LRBA: variants seen among roughly 807,000 people sequenced by gnomAD.
The protein encoded by LRBA is LPS responsive beige-like anchor protein, also known as lipopolysaccharide-responsive and beige-like anchor protein.
Under a neutral mutation model 330.0 loss-of-function variants are expected in LRBA, and 176 were observed. The observed-to-expected ratio is 0.53, with a 90% CI of 0.47 to 0.60. The LOEUF is 0.60. LRBA is among the 20% of genes least tolerant of loss of function. The pLI is 0.00. For missense variants in LRBA, 3,259 were observed against 3,444.8 expected, an observed-to-expected ratio of 0.95 and a Z score of 1.35; for synonymous variants, 1,230 against 1,193.0, an observed-to-expected ratio of 1.03 and a Z score of -0.64.
intron 40 of LRBA, among the ~76,000 whole-genome samples, chr4:150,518,455 G>C (rs543074495): frequency 8.5e-5 from 13 of 152,232 alleles, no homozygotes; most frequent in African/African-American, 2.9e-4. Context: ...CATGGATAAG[G>C]GGAGGCTACT....
chr4:150,913,023 T>G (rs983965402), intron 9 of LRBA, among the ~76,000 whole-genome samples: 1 of 152,218 alleles, frequency 6.6e-6, no homozygotes, highest in Non-Finnish European at 1.5e-5. Context: ...AAAAACTTGG[T>G]GGACTTTCCA....
At chr4:150,999,260 A>C (rs1743061056) in intron 2 of LRBA, among the ~76,000 whole-genome samples, 1 of 152,174 alleles carries the variant, frequency 6.6e-6, no homozygotes, top group Admixed American at 6.5e-5. Context: ...AACAAACAAA[A>C]AAAAAGTATT....
At chr4:150,765,135 A>G (rs921886059) in intron 34 of LRBA, among the ~76,000 whole-genome samples, 1 of 152,072 alleles carries the variant, frequency 6.6e-6, no homozygotes, top group Non-Finnish European at 1.5e-5. Flanking sequence ...AGAAAATGTA[A>G]AAGTATATTA....
At chr4:150,916,882 G>C in intron 5 of LRBA, 144 bp from the exon 6 acceptor site, 1 of 597,344 alleles carries the variant, frequency 1.7e-6, no homozygotes, top group Non-Finnish European at 2.6e-6. Context: ...GGCCGGGCGC[G>C]GTGGCTCACG....
At chr4:150,746,918 C>T (rs1732813198) in intron 35 of LRBA, among the ~76,000 whole-genome samples, 1 of 152,132 alleles carries the variant, frequency 6.6e-6, no homozygotes, top group African/African-American at 2.4e-5. Flanking sequence ...AACTTCTTTC[C>T]ATGAGTCTTA....
chr4:150,893,496 T>G (rs2127100179), intron 16 of LRBA, among the ~76,000 whole-genome samples: 1 of 151,252 alleles, frequency 6.6e-6, no homozygotes, highest in East Asian at 2.0e-4. Context: ...ACTACAGGAG[T>G]GCACCACCAC....
At chr4:150,563,504 A>G (rs6855729) in intron 40 of LRBA, among the ~76,000 whole-genome samples, 21,701 of 152,202 alleles carry the variant, frequency 0.14, 1,572 homozygotes, top group Middle Eastern at 0.17. Context: ...CACCACTTCT[A>G]TTCGACATAG....
chr4:150,726,612 C>T (rs1034223835), intron 36 of LRBA, among the ~76,000 whole-genome samples: 2 of 152,256 alleles, frequency 1.3e-5, no homozygotes, highest in African/African-American at 4.8e-5. Flanking sequence ...AAACTGGCAC[C>T]TTCTTCACAA....
intron 34 of LRBA, among the ~76,000 whole-genome samples, chr4:150,782,567 C>T (rs1707557293): frequency 1.3e-5 from 2 of 152,176 alleles, no homozygotes; most frequent in Admixed American, 6.5e-5. Context: ...TTCACATTGC[C>T]TTGTCCTCCA....
chr4:150,499,557 T>A (rs1158851772), intron 40 of LRBA, among the ~76,000 whole-genome samples: 2 of 152,024 alleles, frequency 1.3e-5, no homozygotes, highest in South Asian at 2.1e-4. Context: ...GGAGGACTGC[T>A]CGAGCCCAGA....
intron 47 of LRBA, among the ~76,000 whole-genome samples, chr4:150,375,142 T>G (rs536617365): frequency 2.0e-5 from 3 of 152,278 alleles, no homozygotes; most frequent in Admixed American, 6.5e-5. Flanking sequence ...AGGGAGGCTG[T>G]CTGGCTGTAG....
intron 33 of LRBA, among the ~76,000 whole-genome samples, chr4:150,802,318 C>T (rs1578826814): frequency 6.7e-6 from 1 of 148,556 alleles, no homozygotes; most frequent in African/African-American, 2.5e-5. Flanking sequence ...CCTATTGCAC[C>T]ATCACTCCAA....
chr4:150,783,626 T>G (rs1286962456), intron 34 of LRBA, among the ~76,000 whole-genome samples: 1 of 152,210 alleles, frequency 6.6e-6, no homozygotes. Flanking sequence ...ATGCACTGTG[T>G]TGTATCCAGT....
chr4:150,920,286 T>C (rs933746828), intron 5 of LRBA, among the ~76,000 whole-genome samples: 1 of 152,182 alleles, frequency 6.6e-6, no homozygotes, highest in Non-Finnish European at 1.5e-5. Context: ...TGGTGACTCA[T>C]GCCTGTAATC....
chr4:150,839,339 G>A (rs979816118), intron 28 of LRBA, among the ~76,000 whole-genome samples: 5 of 152,178 alleles, frequency 3.3e-5, no homozygotes, highest in Admixed American at 1.3e-4. Context: ...CGATTCCTCA[G>A]GGATCTAGAA....
chr4:150,480,544 C>T (rs1471116037), intron 42 of LRBA, among the ~76,000 whole-genome samples: 4 of 151,954 alleles, frequency 2.6e-5, no homozygotes, highest in Non-Finnish European at 4.4e-5. Flanking sequence ...TTAAATAATG[C>T]TATAGCACAT....
intron 40 of LRBA, among the ~76,000 whole-genome samples, chr4:150,546,352 T>C (rs1038312039): frequency 1.3e-5 from 2 of 152,230 alleles, no homozygotes; most frequent in Non-Finnish European, 2.9e-5. Flanking sequence ...GCAACAATTT[T>C]GTGTATAAAA....
chr4:150,401,082 C>T (rs1581208968), intron 47 of LRBA, among the ~76,000 whole-genome samples: 1 of 152,284 alleles, frequency 6.6e-6, no homozygotes, highest in African/African-American at 2.4e-5. Flanking sequence ...AAAATGTGGA[C>T]ACAGAGACAG....
intron 41 of LRBA, among the ~76,000 whole-genome samples, chr4:150,489,991 A>G (rs942669388): frequency 2.0e-5 from 3 of 151,366 alleles, no homozygotes; most frequent in African/African-American, 7.3e-5. Context: ...CAAGTAATAA[A>G]TATTCTAAGA....
Sources: allele counts gnomAD v4.1 joint callset (sites outside exome capture counted in the v4.1 genomes callset), GRCh38; gene constraint gnomAD v4.1.1; transcripts MANE v1.5; gene names NCBI Gene and HGNC (gene_info 2026-07-23, HGNC 2026-07-21).